HOXD12: variants seen among roughly 807,000 people sequenced by gnomAD.
HOXD12 encodes the protein homeobox D12.
In HOXD12, 21 loss-of-function variants were observed where a neutral mutation model predicts 20.2. The ratio of observed to expected loss-of-function variants is 1.04; its 90% CI spans 0.74 to 1.50. HOXD12 has a LOEUF of 1.50. Among genes scored for constraint, HOXD12 ranks in the 40% most tolerant of loss-of-function variants. HOXD12 has a pLI of 0.00. For synonymous variants in HOXD12, 196 were observed against 168.8 expected, an observed-to-expected ratio of 1.16 and a Z score of -1.25; for missense variants, 472 against 365.5, an observed-to-expected ratio of 1.29 and a Z score of -2.38.
Position 176,101,418 on chromosome 2 carries a change from G to A in HOXD12, c.*658G>A, listed in dbSNP as rs142016417. Among the ~76,000 whole-genome samples the A allele has an allele frequency of 5.9e-5, 9 of 151,994 alleles. No individual in the cohort carries two copies. The East Asian group carries it at 1.4e-3, about 23-fold the overall frequency. The stretch of plus-strand genomic sequence containing the variant: ...GGTAAACTTGGAGATATCTCGAAAT[G>A]AGAAATGCGAAATAGGCTGGCCTAT... On this transcript the variant is annotated 3_prime_UTR_variant, in exon 2 of 2. Coordinates refer to ENST00000406506, the MANE Select transcript of HOXD12 (RefSeq NM_021193.4).
At position 176,100,525 on chromosome 2, in the gene HOXD12, T is replaced by A. The variant is rs754288865; in HGVS notation, c.578T>A (p.Leu193Gln). 2 of 1,601,414 alleles carry A rather than the reference T, an allele frequency of 1.2e-6. No individual in the cohort carries two copies. Among genetic ancestry groups the A allele is most frequent in the South Asian group, 2.2e-5 (2 of 89,488 alleles). Residue 193 changes from leucine to glutamine, a missense_variant, in exon 2 of 2, where the codon CTG becomes CAG. Coordinates refer to ENST00000406506, the MANE Select transcript of HOXD12 (RefSeq NM_021193.4). ...GTGGGTTGGGGCTGTGTTGCAGGCC[T>A]GCCGTGGGGGGCGGCCCCGGGGAGG... ...SCLRPSLPDG[L>Q]PWGAAPGRAR...
At chr2:176,100,487 G>A in intron 1 of HOXD12, 35 bp from the exon 2 acceptor site, 1 of 1,588,432 alleles carries the variant, frequency 6.3e-7, no homozygotes, top group Non-Finnish European at 8.6e-7. Flanking sequence ...GACAGAGTAC[G>A]GGCTGGGTTG....
rs1689475719 is a variant in HOXD12 at position 176,100,327 on chromosome 2, G to A, written c.526G>A (p.Val176Met). The stretch of plus-strand genomic sequence containing the variant: ...GGGCCCGCTCAACTTGAACATGACA[G>A]TGCAGGCGGCGGGCGTTGCCTCTTG... ...TKGPLNLNMT[V>M]QAAGVASCLR... Residue 176 changes from valine (V) to methionine (M), a missense_variant, in exon 1 of 2, where the codon GTG becomes ATG. By Grantham distance (21) the Val-to-Met change is conservative. Coordinates refer to ENST00000406506, the MANE Select transcript of HOXD12 (RefSeq NM_021193.4). 1.2e-6 allele frequency: 2 copies of A among 1,612,592 alleles called. No individual in the cohort carries two copies. The highest frequency in any genetic ancestry group is 1.3e-5 in the African/African-American group (1 of 74,946).
rs1221775123 is a variant in HOXD12 at position 176,099,923 on chromosome 2, C to G, written c.122C>G (p.Pro41Arg). The change falls in exon 1 of 2, where the codon CCT becomes CGT. Residue 41 changes from proline to arginine, a missense_variant. Transcript: ENST00000406506. ...GGCGGCCAGTTGGCCGCGCTTCCCC[C>G]TATCTCCTACCCGCGCGGCGCGCTG... ...PNGGQLAALP[P>R]ISYPRGALPW... 3 of 1,595,192 alleles carry G rather than the reference C, an allele frequency of 1.9e-6. No individual in the cohort carries two copies. The highest frequency in any genetic ancestry group is 2.6e-6 in the Non-Finnish European group (3 of 1,173,502).
Position 176,099,900 on chromosome 2 carries a change from C to T in HOXD12, c.99C>T (p.Gly33=). The change falls in exon 1 of 2, where the codon GGC becomes GGT. Residue 33 remains glycine (G), a synonymous_variant. Transcript: ENST00000406506. ...ACTTCTCCAACCTGAGGCCGAATGG[C>T]GGCCAGTTGGCCGCGCTTCCCCCTA... is the stretch of plus-strand genomic sequence containing the variant. ...SFYFSNLRPN[G]GQLAALPPIS... 6.3e-7 allele frequency: 1 copy of T among 1,594,116 alleles called. No individual in the cohort carries two copies. The highest frequency in any genetic ancestry group is 1.1e-5 in the South Asian group (1 of 88,680).
rs1165541824 is a variant in HOXD12 at position 176,101,831 on chromosome 2, T to G, written c.*1071T>G. 1.3e-5 allele frequency among the ~76,000 whole-genome samples: 2 copies of G among 151,902 alleles called. No individual in the cohort carries two copies. Among genetic ancestry groups the G allele is most frequent in the African/African-American group, 4.8e-5 (2 of 41,342 alleles). On this transcript the variant is annotated 3_prime_UTR_variant, in exon 2 of 2. Coordinates refer to ENST00000406506, the MANE Select transcript of HOXD12 (RefSeq NM_021193.4). The stretch of plus-strand genomic sequence containing the variant: ...ACCCCATAAGGATAGGCAAAAATCC[T>G]TCTCAAGAGTCAAGGGGAGGGGAAG...
At position 176,102,481 on chromosome 2, in the gene HOXD12, C is replaced by G. The variant is rs1009333545; in HGVS notation, c.*1721C>G. On this transcript the variant is annotated 3_prime_UTR_variant, in exon 2 of 2. Coordinates refer to ENST00000406506, the MANE Select transcript of HOXD12 (RefSeq NM_021193.4). ...TTTGAGTGAAAATAAATATCCAGGT[C>G]TGAGCCAAGCTGTCAAGGAGCTGAA... 1.3e-5 allele frequency among the ~76,000 whole-genome samples: 2 copies of G among 152,212 alleles called. No homozygotes were observed. The highest frequency in any genetic ancestry group is 2.9e-5 in the Non-Finnish European group (2 of 68,038).
chr2:176,100,865 C>A lies in HOXD12; in HGVS notation c.*105C>A, dbSNP rs1445055412. The A allele has an allele frequency of 1.3e-6, 1 of 760,564 alleles. No individual in the cohort carries two copies. Among genetic ancestry groups the A allele is most frequent in the Non-Finnish European group, 2.2e-6 (1 of 457,458 alleles). The allele number at this position is 760,564 out of a possible 1,614,324, so 47.1% of individuals were successfully genotyped here. A position where few individuals can be genotyped will look rare whatever the true frequency, so the allele number is the denominator to read the frequency against. ...GCTAAGGCTTTTCCTTCGGTTCCTT[C>A]TCTGCTGGCCCCAGAAGCCACCAAG... On this transcript the variant is annotated 3_prime_UTR_variant, in exon 2 of 2. Coordinates refer to ENST00000406506, the MANE Select transcript of HOXD12 (RefSeq NM_021193.4).
Position 176,101,120 on chromosome 2 carries a change from CCT to C in HOXD12, c.*366_*367del, listed in dbSNP as rs1689489330. 1 of 363,264 alleles carries C rather than the reference CCT, an allele frequency of 2.8e-6. No homozygotes were observed. Among genetic ancestry groups the C allele is most frequent in the African/African-American group, 2.1e-5 (1 of 47,990 alleles). The allele number at this position is 363,264 out of a possible 1,614,324, so 22.5% of individuals were successfully genotyped here. On this transcript the variant is annotated 3_prime_UTR_variant, in exon 2 of 2. Transcript: ENST00000406506. The stretch of plus-strand genomic sequence containing the variant: ...CCACCCAATTCGTTCTCCCTTTCCC[CCT>C]CTCTCCAGCCCCTTCAGCGTATAGC...
At position 176,099,903 on chromosome 2, in the gene HOXD12, C is replaced by T; in HGVS notation, c.102C>T (p.Gly34=). Residue 34 remains glycine (G), a synonymous_variant, in exon 1 of 2, where the codon GGC becomes GGT. Coordinates refer to ENST00000406506, the MANE Select transcript of HOXD12 (RefSeq NM_021193.4). ...FYFSNLRPNG[G]QLAALPPISY... The stretch of plus-strand genomic sequence containing the variant: ...TCTCCAACCTGAGGCCGAATGGCGG[C>T]CAGTTGGCCGCGCTTCCCCCTATCT... 1.3e-6 allele frequency: 2 copies of T among 1,594,626 alleles called. No homozygotes were observed. Among genetic ancestry groups the T allele is most frequent in the Non-Finnish European group, 8.5e-7 (1 of 1,173,186 alleles).
rs777830866 is a variant in HOXD12, at chr2:176,099,979, C to A, written c.178C>A (p.Pro60Thr). ...PWAATPASCAPAQPAGATAFG... is the reference protein window; with the variant it reads ...PWAATPASCATAQPAGATAFG... ...GGCCGCCACGCCCGCCTCCTGCGCC[C>A]CCGCGCAGCCTGCGGGCGCCACTGC... is the stretch of plus-strand genomic sequence containing the variant. The change falls in exon 1 of 2, where the codon CCC becomes ACC. Residue 60 changes from proline (P) to threonine (T), a missense_variant. Physicochemically the swap from Pro to Thr is conservative, Grantham distance 38. Coordinates refer to ENST00000406506, the MANE Select transcript of HOXD12 (RefSeq NM_021193.4). The A allele has an allele frequency of 6.3e-7, 1 of 1,591,350 alleles. No homozygotes were observed. Among genetic ancestry groups the A allele is most frequent in the Non-Finnish European group, 8.6e-7 (1 of 1,169,154 alleles).
rs530384914 is a variant in HOXD12, at chr2:176,100,769, G to T, written c.*9G>T. 6.3e-7 allele frequency: 1 copy of T among 1,598,060 alleles called. No homozygotes were observed. Among genetic ancestry groups the T allele is most frequent in the Admixed American group, 1.7e-5 (1 of 59,538 alleles). ...CGCTGGCGCTCTACTAGCCGCGCGC[G>T]TGGCCAGGGCCGGGTTGGATCTGCC... is the stretch of plus-strand genomic sequence containing the variant. On this transcript the variant is annotated 3_prime_UTR_variant, in exon 2 of 2. Transcript: ENST00000406506.
Position 176,102,284 on chromosome 2 carries a change from T to C in HOXD12, c.*1524T>C, listed in dbSNP as rs913409863. On this transcript the variant is annotated 3_prime_UTR_variant, in exon 2 of 2. Coordinates refer to ENST00000406506, the MANE Select transcript of HOXD12 (RefSeq NM_021193.4). ...TTCTTTTCAGTGCAGGACCTGGCCC[T>C]AAATCTGGAGTGGGCCCCTCACAGA... 2.6e-5 allele frequency among the ~76,000 whole-genome samples: 4 copies of C among 152,234 alleles called. No homozygotes were observed. The highest frequency in any genetic ancestry group is 6.5e-5 in the Admixed American group (1 of 15,284).
At chr2:176,100,474 A>C in intron 1 of HOXD12, 48 bp from the exon 2 acceptor site, 1 of 1,588,842 alleles carries the variant, frequency 6.3e-7, no homozygotes, top group Non-Finnish European at 8.6e-7. Context: ...GGGGCGGGCA[A>C]TAGACAGAGT....
rs1393024352 is a variant in HOXD12 at position 176,100,879 on chromosome 2, G to A, written c.*119G>A. ...TTCGGTTCCTTCTCTGCTGGCCCCA[G>A]AAGCCACCAAGAGATTTACAGACCA... On this transcript the variant is annotated 3_prime_UTR_variant, in exon 2 of 2. Coordinates refer to ENST00000406506, the MANE Select transcript of HOXD12 (RefSeq NM_021193.4). The A allele has an allele frequency of 5.7e-6, 4 of 699,384 alleles. No individual in the cohort carries two copies. Among genetic ancestry groups the A allele is most frequent in the Non-Finnish European group, 9.8e-6 (4 of 408,978 alleles). 43.3% of individuals were successfully genotyped at this position (699,384 alleles called of 1,614,324 possible).
At position 176,099,976 on chromosome 2, in the gene HOXD12, G is replaced by C. The variant is rs1216506512; in HGVS notation, c.175G>C (p.Ala59Pro). Residue 59 changes from alanine (A) to proline (P), a missense_variant, in exon 1 of 2, where the codon GCC becomes CCC. Physicochemically the swap from Ala to Pro is conservative, Grantham distance 27. Transcript: ENST00000406506. The stretch of plus-strand genomic sequence containing the variant: ...CTGGGCCGCCACGCCCGCCTCCTGC[G>C]CCCCCGCGCAGCCTGCGGGCGCCAC... ...LPWAATPASC[A>P]PAQPAGATAF... The C allele has an allele frequency of 6.3e-7, 1 of 1,592,976 alleles. No individual in the cohort carries two copies. The highest frequency in any genetic ancestry group is 8.5e-7 in the Non-Finnish European group (1 of 1,170,964).
In HOXD12 at chr2:176,100,546, G is replaced by A. The variant is rs748039138; in HGVS notation, c.599G>A (p.Gly200Glu). 3 of 1,608,800 alleles carry A rather than the reference G, an allele frequency of 1.9e-6. No homozygotes were observed. Among genetic ancestry groups the A allele is most frequent in the East Asian group, 2.2e-5 (1 of 44,622 alleles). ...GGCCTGCCGTGGGGGGCGGCCCCGG[G>A]GAGGGCCCGCAAGAAGCGGAAACCC... Reference protein sequence around the residue: ...PDGLPWGAAPGRARKKRKPYT... With the variant: ...PDGLPWGAAPERARKKRKPYT... Residue 200 changes from glycine to glutamate, a missense_variant, in exon 2 of 2, where the codon GGG becomes GAG. Transcript: ENST00000406506.
At position 176,099,877 on chromosome 2, in the gene HOXD12, T is replaced by C. The variant is rs750849935; in HGVS notation, c.76T>C (p.Phe26Leu). The C allele has an allele frequency of 1.8e-5, 29 of 1,589,842 alleles. No homozygotes were observed. The highest frequency in any genetic ancestry group is 2.3e-5 in the Non-Finnish European group (27 of 1,171,148). ...TCTGCAGTCGCCAGACTCTTTCTAC[T>C]TCTCCAACCTGAGGCCGAATGGCGG... Reference protein sequence around the residue: ...LNLQSPDSFYFSNLRPNGGQL... With the variant: ...LNLQSPDSFYLSNLRPNGGQL... The change falls in exon 1 of 2, where the codon TTC becomes CTC. Residue 26 changes from phenylalanine to leucine, a missense_variant. Transcript: ENST00000406506.
chr2:176,100,222 G>A lies in HOXD12; in HGVS notation c.421G>A (p.Gly141Ser), dbSNP rs745915759. 2 of 1,612,330 alleles carry A rather than the reference G, an allele frequency of 1.2e-6. No individual in the cohort carries two copies. The highest frequency in any genetic ancestry group is 1.7e-6 in the Non-Finnish European group (2 of 1,179,794). The change falls in exon 1 of 2, where the codon GGT becomes AGT. Residue 141 changes from glycine to serine, a missense_variant. By Grantham distance (56) the Gly-to-Ser change is moderately conservative (BLOSUM62 0). Transcript: ENST00000406506. ...ALKAAKYDYA[G>S]VGRATPGSTT... ...CAAAGCGGCCAAGTATGACTACGCT[G>A]GTGTGGGTCGTGCCACGCCGGGCTC...
Sources: gnomAD v4.1 joint callset for allele counts (sites outside exome capture counted in the v4.1 genomes callset) on GRCh38, gnomAD v4.1.1 for gene constraint, MANE v1.5 for transcripts, NCBI Gene and HGNC (gene_info 2026-07-23, HGNC 2026-07-21) for gene names.